The following ELAPOR2 variants were observed in gnomAD, a reference collection of about 807,000 sequenced individuals.
The protein encoded by ELAPOR2 is endosome/lysosome-associated apoptosis and autophagy regulator family member 2.
A neutral mutation model predicts 120.7 loss-of-function variants in ELAPOR2; 89 were observed. That is an observed-to-expected ratio of 0.74 (90% CI 0.62 to 0.88). The LOEUF is 0.88. Among genes scored for constraint, ELAPOR2 ranks in the 40% least tolerant of loss-of-function variants. The pLI is 0.00. For missense variants in ELAPOR2, 1,134 were observed against 1,251.6 expected, an observed-to-expected ratio of 0.91 and a Z score of 1.42; for synonymous variants, 444 against 444.9, an observed-to-expected ratio of 1.00 and a Z score of 0.03.
intron 2 of ELAPOR2, among the ~76,000 whole-genome samples, chr7:86,952,924 A>G (rs1050226510): frequency 2.6e-5 from 4 of 151,974 alleles, no homozygotes; most frequent in Non-Finnish European, 1.5e-5. Context: ...GTGAAACCCT[A>G]TCTCTACAAA....
chr7:86,892,341 G>A (rs907584291), intron 20 of ELAPOR2, among the ~76,000 whole-genome samples: 2 of 151,818 alleles, frequency 1.3e-5, no homozygotes, highest in Non-Finnish European at 2.9e-5. Context: ...TATTGCAATT[G>A]TCCCTAGATA....
At position 86,878,117 on chromosome 7, in the gene ELAPOR2, TA is replaced by T. The variant is rs916827935; in HGVS notation, c.*2353del. On this transcript the variant is annotated 3_prime_UTR_variant, in exon 22 of 22. Transcript: ENST00000450689. ...ATAACAAATAACTTCTTCTACCACT[TA>T]GGGGGGAAAAGGAACAAGTGTCAAT... The T allele has an allele frequency of 6.6e-6, 1 of 152,164 alleles. No homozygotes were observed. The allele number at this position is 152,164 out of a possible 1,614,324, so 9.4% of individuals were successfully genotyped here. A position where few individuals can be genotyped will look rare whatever the true frequency, so the allele number is the denominator to read the frequency against.
chr7:87,038,397 T>C (rs533711030), intron 1 of ELAPOR2, among the ~76,000 whole-genome samples: 52 of 152,326 alleles, frequency 3.4e-4, no homozygotes, highest in African/African-American at 1.3e-3. Flanking sequence ...AAATATATAT[T>C]ATCCTTATTA....
At chr7:86,887,290 C>T (rs182070151) in intron 21 of ELAPOR2, among the ~76,000 whole-genome samples, 19 of 152,218 alleles carry the variant, frequency 1.2e-4, no homozygotes, top group Non-Finnish European at 2.4e-4. Flanking sequence ...TCTCCCCCAA[C>T]ATGGCAAAGC....
chr7:86,908,667 AT>A, intron 16 of ELAPOR2, 124 bp from the exon 17 acceptor site: 1 of 515,968 alleles, frequency 1.9e-6, no homozygotes, highest in South Asian at 3.0e-5. Context: ...GAAATGCTGT[AT>A]TATATTAATG....
chr7:86,999,620 G>T (rs1454566981), intron 1 of ELAPOR2, among the ~76,000 whole-genome samples: 1 of 152,116 alleles, frequency 6.6e-6, no homozygotes, highest in African/African-American at 2.4e-5. Context: ...AGCATACTCA[G>T]ATTTATCCAT....
intron 15 of ELAPOR2, among the ~76,000 whole-genome samples, chr7:86,910,607 G>A (rs986974554): frequency 6.6e-6 from 1 of 152,082 alleles, no homozygotes; most frequent in African/African-American, 2.4e-5. Flanking sequence ...AGGTAATAGA[G>A]AGATTAGCTT....
chr7:86,921,197 T>C (rs542278773), intron 10 of ELAPOR2, among the ~76,000 whole-genome samples: 135 of 152,184 alleles, frequency 8.9e-4, no homozygotes, highest in Middle Eastern at 3.4e-3. Context: ...AGAAAAGATA[T>C]GTTGAAATCT....
At chr7:87,005,494 C>T (rs1793444531) in intron 1 of ELAPOR2, among the ~76,000 whole-genome samples, 1 of 152,114 alleles carries the variant, frequency 6.6e-6, no homozygotes, top group African/African-American at 2.4e-5. Context: ...GTATTCAGAA[C>T]ACAACAGGAT....
intron 15 of ELAPOR2, 177 bp downstream of exon 15, chr7:86,911,895 C>G (rs1789329910): frequency 1.5e-6 from 1 of 647,794 alleles, no homozygotes. Context: ...CAAGGTTGCC[C>G]CTGGTGGAGA....
intron 8 of ELAPOR2, among the ~76,000 whole-genome samples, chr7:86,931,427 T>C (rs920360437): frequency 2.6e-5 from 4 of 151,936 alleles, no homozygotes; most frequent in African/African-American, 7.2e-5. Context: ...AAGATGATCA[T>C]GATTTTCCAT....
chr7:87,055,072 T>A (rs922934283), intron 1 of ELAPOR2, among the ~76,000 whole-genome samples: 3 of 152,130 alleles, frequency 2.0e-5, no homozygotes, highest in African/African-American at 7.2e-5. Flanking sequence ...ACCAATCCAG[T>A]CATTTCAACA....
At chr7:86,949,910 G>A (rs766425077) in intron 2 of ELAPOR2, among the ~76,000 whole-genome samples, 3 of 152,210 alleles carry the variant, frequency 2.0e-5, no homozygotes, top group Non-Finnish European at 2.9e-5. Context: ...GGAAGGGGAT[G>A]GGTCCCACAA....
At chr7:86,901,710 A>C (rs1788734232) in intron 18 of ELAPOR2, among the ~76,000 whole-genome samples, 1 of 152,182 alleles carries the variant, frequency 6.6e-6, no homozygotes. Flanking sequence ...AGGATAAACT[A>C]TTGTTGCTAA....
intron 1 of ELAPOR2, among the ~76,000 whole-genome samples, chr7:86,972,856 C>T (rs2116515615): frequency 6.6e-6 from 1 of 152,154 alleles, no homozygotes; most frequent in African/African-American, 2.4e-5. Flanking sequence ...ACTTGCTTAC[C>T]TTAGAATTGA....
intron 1 of ELAPOR2, among the ~76,000 whole-genome samples, chr7:87,001,362 G>A (rs920818001): frequency 5.9e-5 from 9 of 152,132 alleles, no homozygotes; most frequent in South Asian, 4.1e-4. Context: ...CAAGAAAGCC[G>A]TGAGGTCAGT....
intron 2 of ELAPOR2, among the ~76,000 whole-genome samples, chr7:86,958,571 T>G (rs1791570128): frequency 6.6e-6 from 1 of 152,190 alleles, no homozygotes; most frequent in Non-Finnish European, 1.5e-5. Flanking sequence ...CCAGAATCTC[T>G]GGCCCTTCCC....
At chr7:86,883,061 T>TGA (rs1554374431) in intron 21 of ELAPOR2, among the ~76,000 whole-genome samples, 8 of 149,052 alleles carry the variant, frequency 5.4e-5, no homozygotes, top group East Asian at 2.0e-4. Context: ...TGTGTGTGTG[T>TGA]GAAAGACATG....
chr7:86,934,045 TTAAGA>T (rs888732764), intron 8 of ELAPOR2, among the ~76,000 whole-genome samples: 3 of 152,042 alleles, frequency 2.0e-5, no homozygotes, highest in Non-Finnish European at 4.4e-5. Context: ...AACTCAGTAC[TTAAGA>T]TAATTTTGTA....
Sources: allele counts gnomAD v4.1 joint callset (sites outside exome capture counted in the v4.1 genomes callset), GRCh38; gene constraint gnomAD v4.1.1; transcripts MANE v1.5; gene names NCBI Gene and HGNC (gene_info 2026-07-23, HGNC 2026-07-21).